The following KCNJ3 variants were observed in gnomAD, a reference collection of about 807,000 sequenced individuals.
KCNJ3 encodes potassium inwardly rectifying channel subfamily J member 3.
Under a neutral mutation model 39.2 loss-of-function variants are expected in KCNJ3, and 4 were observed. That is an observed-to-expected ratio of 0.10 (90% CI 0.05 to 0.23). The LOEUF (loss-of-function observed/expected upper bound fraction) is 0.23, where lower values mean the gene tolerates loss of function less well. KCNJ3 is among the 10% of genes least tolerant of loss of function. The probability of loss-of-function intolerance (pLI) is 1.00; values close to 1 mark genes in which losing one functional copy is unlikely to be tolerated. For synonymous variants in KCNJ3, 230 were observed against 237.4 expected, an observed-to-expected ratio of 0.97 and a Z score of 0.29; for missense variants, 276 against 634.9, an observed-to-expected ratio of 0.43 and a Z score of 6.08.
intron 2 of KCNJ3, among the ~76,000 whole-genome samples, chr2:154,797,429 G>T (rs573679783): frequency 3.0e-4 from 45 of 152,060 alleles, no homozygotes; most frequent in Admixed American, 5.2e-4. Flanking sequence ...CCAAAACTCC[G>T]TAAAATAAGA....
chr2:154,789,622 AT>A (rs1686591841), intron 2 of KCNJ3, among the ~76,000 whole-genome samples: 1 of 152,092 alleles, frequency 6.6e-6, no homozygotes, highest in African/African-American at 2.4e-5. Context: ...GAACATACAT[AT>A]AGTGTAATTA....
At chr2:154,753,875 G>A (rs1003112808) in intron 2 of KCNJ3, among the ~76,000 whole-genome samples, 17 of 152,044 alleles carry the variant, frequency 1.1e-4, no homozygotes, top group Admixed American at 7.9e-4. Context: ...TAATTCTACA[G>A]AAAAGTTATG....
intron 2 of KCNJ3, among the ~76,000 whole-genome samples, chr2:154,806,482 T>C (rs1379359116): frequency 6.6e-6 from 1 of 152,212 alleles, no homozygotes; most frequent in Non-Finnish European, 1.5e-5. Context: ...AGTTACATGG[T>C]TGTCATACTC....
At chr2:154,842,811 C>T (rs891180221) in intron 2 of KCNJ3, among the ~76,000 whole-genome samples, 2 of 152,004 alleles carry the variant, frequency 1.3e-5, no homozygotes, top group South Asian at 2.1e-4. Context: ...TCCTCCATCC[C>T]TTTATTTGGA....
chr2:154,757,176 A>G (rs1685953182), intron 2 of KCNJ3, among the ~76,000 whole-genome samples: 1 of 152,202 alleles, frequency 6.6e-6, no homozygotes, highest in South Asian at 2.1e-4. Context: ...ATAAGTCAAG[A>G]CATTTGAATT....
In KCNJ3 at chr2:154,706,426, A is replaced by G. The variant is rs78748978; in HGVS notation, c.703-3177A>G. Among the ~76,000 whole-genome samples, 1,041 of 152,250 alleles carry G rather than the reference A, an allele frequency of 6.8e-3. 5 individuals carry two copies. Among genetic ancestry groups the G allele is most frequent in the Non-Finnish European group, 0.012 (811 of 68,006 alleles). ...ATTTCTGAGTGAAATAGGGTAGTTAATTGCTAAATAATATGAAACTGATGA... is the reference window on the plus strand; with the variant it reads ...ATTTCTGAGTGAAATAGGGTAGTTAGTTGCTAAATAATATGAAACTGATGA... On this transcript the variant is annotated intron_variant, in intron 1 of 2. Transcript: ENST00000295101.
chr2:154,808,925 G>C (rs754280464), intron 2 of KCNJ3, among the ~76,000 whole-genome samples: 36 of 152,126 alleles, frequency 2.4e-4, no homozygotes, highest in Non-Finnish European at 4.4e-5. Flanking sequence ...AAAGGGGTAT[G>C]AAATGTCTGT....
At chr2:154,771,146 C>A (rs1186409804) in intron 2 of KCNJ3, among the ~76,000 whole-genome samples, 1 of 152,072 alleles carries the variant, frequency 6.6e-6, no homozygotes, top group East Asian at 1.9e-4. Context: ...CCGCCTCGGC[C>A]TCCCAGAGTG....
At chr2:154,700,017 C>G (rs1392840218) in intron 1 of KCNJ3, among the ~76,000 whole-genome samples, 1 of 152,100 alleles carries the variant, frequency 6.6e-6, no homozygotes, top group Admixed American at 6.6e-5. Context: ...ATGACTTTAA[C>G]TCTATGGTCA....
At chr2:154,818,136 A>G (rs935276213) in intron 2 of KCNJ3, among the ~76,000 whole-genome samples, 3 of 152,146 alleles carry the variant, frequency 2.0e-5, no homozygotes, top group African/African-American at 7.2e-5. Context: ...TAACTTATAT[A>G]TGATATATGG....
At chr2:154,796,069 T>C (rs1227545121) in intron 2 of KCNJ3, among the ~76,000 whole-genome samples, 1 of 152,130 alleles carries the variant, frequency 6.6e-6, no homozygotes. Context: ...ATCATGTATA[T>C]AACATGAGTG....
Position 154,855,374 on chromosome 2 carries a change from T to G in KCNJ3, c.*61T>G, listed in dbSNP as rs1687819392. The G allele has an allele frequency of 1.0e-5, 12 of 1,143,348 alleles. No individual in the cohort carries two copies. Among genetic ancestry groups the G allele is most frequent in the Non-Finnish European group, 1.5e-5 (12 of 811,982 alleles). 70.8% of individuals were successfully genotyped at this position (1,143,348 alleles called of 1,614,324 possible). A position where few individuals can be genotyped will look rare whatever the true frequency, so the allele number is the denominator to read the frequency against. On this transcript the variant is annotated 3_prime_UTR_variant, in exon 3 of 3. Transcript: ENST00000295101. ...TTAGTAATAGTCCAATATTTGGCGA[T>G]GAGGTAATTCTCCCTAAGGAATCTG... is the stretch of plus-strand genomic sequence containing the variant.
rs887796000 is a variant in KCNJ3 at position 154,760,735 on chromosome 2, CT to C, written c.919+50935del. On this transcript the variant is annotated intron_variant, in intron 2 of 2. Coordinates refer to ENST00000295101, the MANE Select transcript of KCNJ3 (RefSeq NM_002239.4). ...CCCTGGCTATTTTTTTCTTTTTTTT[CT>C]TTTTTTTTTTTTTTTTTTGAGATGG... Among the ~76,000 whole-genome samples, 162 of 127,750 alleles carry C rather than the reference CT, an allele frequency of 1.3e-3. 4 individuals carry two copies. Among genetic ancestry groups the C allele is most frequent in the Middle Eastern group, 0.012 (3 of 258 alleles). 83.8% of individuals were successfully genotyped at this position (127,750 alleles called of 152,430 possible).
At chr2:154,784,497 C>T (rs1156851326) in intron 2 of KCNJ3, among the ~76,000 whole-genome samples, 1 of 152,210 alleles carries the variant, frequency 6.6e-6, no homozygotes, top group Non-Finnish European at 1.5e-5. Flanking sequence ...ATTCTCCTGC[C>T]TCAGCCTCCC....
At chr2:154,794,869 A>G (rs1328234372) in intron 2 of KCNJ3, among the ~76,000 whole-genome samples, 1 of 152,028 alleles carries the variant, frequency 6.6e-6, no homozygotes, top group African/African-American at 2.4e-5. Flanking sequence ...CTGATGAAGT[A>G]CTGAACATCC....
rs1312004452 is a variant in KCNJ3, at chr2:154,814,275, T to C, written c.920-40452T>C. ...ATAAATAACTAGCAAATCTTTTAAATATATAGTGTCTAATATAACGTATAA... is the reference window on the plus strand; with the variant it reads ...ATAAATAACTAGCAAATCTTTTAAACATATAGTGTCTAATATAACGTATAA... On this transcript the variant is annotated intron_variant, in intron 2 of 2. Coordinates refer to ENST00000295101, the MANE Select transcript of KCNJ3 (RefSeq NM_002239.4). 2.6e-5 allele frequency among the ~76,000 whole-genome samples: 4 copies of C among 152,208 alleles called. No homozygotes were observed. In the South Asian group the frequency reaches 6.2e-4, roughly 24 times the overall value.
intron 2 of KCNJ3, among the ~76,000 whole-genome samples, chr2:154,776,814 A>C (rs1054180406): frequency 6.6e-6 from 1 of 152,120 alleles, no homozygotes; most frequent in Non-Finnish European, 1.5e-5. Context: ...AAATTTTATT[A>C]TCTTTGGTCT....
At chr2:154,826,477 G>A (rs1470834586) in intron 2 of KCNJ3, among the ~76,000 whole-genome samples, 1 of 152,192 alleles carries the variant, frequency 6.6e-6, no homozygotes, top group Non-Finnish European at 1.5e-5. Context: ...GTTGGTTAAT[G>A]AAGTTGTGGT....
At chr2:154,751,341 CA>C (rs1241820944) in intron 2 of KCNJ3, among the ~76,000 whole-genome samples, 1 of 151,908 alleles carries the variant, frequency 6.6e-6, no homozygotes, top group Non-Finnish European at 1.5e-5. Flanking sequence ...TATAGTATTT[CA>C]TTACATATCA....
Sources: gnomAD v4.1 joint callset for allele counts (sites outside exome capture counted in the v4.1 genomes callset) on GRCh38, gnomAD v4.1.1 for gene constraint, MANE v1.5 for transcripts, NCBI Gene and HGNC (gene_info 2026-07-23, HGNC 2026-07-21) for gene names.